The following MUC6 variants were observed in gnomAD, a reference collection of about 807,000 sequenced individuals.
MUC6 encodes the protein mucin-6.
MUC6 carries 188 observed loss-of-function variants against 201.5 expected under a neutral mutation model. The ratio of observed to expected loss-of-function variants is 0.93; its 90% CI spans 0.83 to 1.05. The LOEUF is 1.05. Among genes scored for constraint, MUC6 ranks in the 50% least tolerant of loss-of-function variants. The pLI is 0.00. For missense variants in MUC6, 2,706 were observed against 3,256.9 expected (o/e 0.83, Z 4.12); for synonymous variants, 1,228 against 1,389.4 (o/e 0.88, Z 2.58).
Position 1,015,955 on chromosome 11 carries a change from T to C in MUC6, c.6846A>G (p.Thr2282=), listed in dbSNP as rs1252962043. The C allele has an allele frequency of 1.3e-6, 2 of 1,592,722 alleles. No individual in the cohort carries two copies. Among genetic ancestry groups the C allele is most frequent in the African/African-American group, 1.3e-5 (1 of 74,542 alleles). ...CCGAGGTGAGTGACACAAAGCCTGA[T>C]GTGGGAACTCGGGTGGTGAGAGAAG... ...RSTSLTTRVP[T]SGFVSLTSGV... is the part of the protein sequence containing the mutation. Residue 2282 remains threonine, a synonymous_variant, in exon 31 of 33, where the codon ACA becomes ACG. Coordinates refer to ENST00000421673, the MANE Select transcript of MUC6 (RefSeq NM_005961.3).
chr11:1,015,644 G>A (rs1234225537), intron 31 of MUC6, 118 bp downstream of exon 31: 3 of 1,433,482 alleles, frequency 2.1e-6, no homozygotes, highest in Non-Finnish European at 2.7e-6. Context: ...GGAAGGCAGG[G>A]AACAGGCGTG....
intron 31 of MUC6, 134 bp downstream of exon 31, chr11:1,015,628 G>A (rs1856584932): frequency 7.2e-7 from 1 of 1,393,096 alleles, no homozygotes; most frequent in Non-Finnish European, 9.4e-7. Context: ...CCTGGCAGGT[G>A]TGTAGGGAAG....
chr11:1,031,405 C>T (rs1274744986), intron 4 of MUC6, 146 bp from the exon 5 acceptor site: 39 of 1,171,640 alleles, frequency 3.3e-5, no homozygotes, highest in Admixed American at 5.5e-5. Context: ...GCTAATTTTC[C>T]AGTGGAGAAG....
In MUC6 at chr11:1,031,910, G is replaced by T; in HGVS notation, c.259C>A (p.Arg87=). 6.2e-7 allele frequency: 1 copy of T among 1,613,294 alleles called. No homozygotes were observed. Among genetic ancestry groups the T allele is most frequent in the Non-Finnish European group, 8.5e-7 (1 of 1,179,888 alleles). The change falls in exon 3 of 33, where the codon CGG becomes AGG. Residue 87 remains arginine (R), a synonymous_variant. Transcript: ENST00000421673. ...GAGATGCTCCCGTCTGGGCCTCGCC[G>T]CAGCTGGACACTGAAGGTGGGGAAG... ...DAFPTFSVQL[R]RGPDGSISRI...
At chr11:1,032,274 A>G (rs1020481911) in intron 2 of MUC6, among the ~76,000 whole-genome samples, 1 of 152,022 alleles carries the variant, frequency 6.6e-6, no homozygotes, top group African/African-American at 2.4e-5. Context: ...GTGTGGGTAC[A>G]CGTATGTGTG....
Position 1,019,278 on chromosome 11 carries a change from G to A in MUC6, c.4027C>T (p.Leu1343=), listed in dbSNP as rs1288922158. Reference sequence around the variant, plus strand: ...ATCCCATGGCGCCATGACTTACGCAGCGTGGGGCTTGTCCCTGATGTGGCT... The same window carrying A: ...ATCCCATGGCGCCATGACTTACGCAACGTGGGGCTTGTCCCTGATGTGGCT... ...TPATSGTSPT[L]PKSTNQELPG... is the part of the protein sequence containing the mutation. Residue 1343 remains leucine (L), a synonymous_variant, in exon 30 of 33, where the codon CTG becomes TTG. Transcript: ENST00000421673. 6 of 1,613,994 alleles carry A rather than the reference G, an allele frequency of 3.7e-6. No individual in the cohort carries two copies. The East Asian group carries it at 6.7e-5, about 18-fold the overall frequency.
chr11:1,013,799 A>T, intron 32 of MUC6, 100 bp downstream of exon 32: 1 of 1,408,592 alleles, frequency 7.1e-7, no homozygotes, highest in East Asian at 2.5e-5. Context: ...GGCTCACCTG[A>T]TGGGGCAGCA....
intron 1 of MUC6, among the ~76,000 whole-genome samples, chr11:1,034,448 C>G (rs547493071): frequency 2.6e-5 from 4 of 152,220 alleles, no homozygotes; most frequent in Non-Finnish European, 4.4e-5. Context: ...CTCAGCCCCC[C>G]GCCATTCCTT....
At chr11:1,025,638 C>T (rs150862810) in intron 22 of MUC6, among the ~76,000 whole-genome samples, 167 bp downstream of exon 22, 93 of 152,282 alleles carry the variant, frequency 6.1e-4, no homozygotes, top group African/African-American at 2.1e-3. Context: ...CACCCGTGGT[C>T]CTGAGCGTCT....
Position 1,031,875 on chromosome 11 carries a change from G to A in MUC6, c.294C>T (p.Ile98=), listed in dbSNP as rs762180514. 7 of 1,612,776 alleles carry A rather than the reference G, an allele frequency of 4.3e-6. No individual in the cohort carries two copies. Among genetic ancestry groups the A allele is most frequent in the South Asian group, 2.2e-5 (2 of 91,052 alleles). Residue 98 remains isoleucine (I), a synonymous_variant, in exon 3 of 33, where the codon ATC becomes ATT. Coordinates refer to ENST00000421673, the MANE Select transcript of MUC6 (RefSeq NM_005961.3). The part of the protein sequence containing the change: ...RGPDGSISRI[I]VELGASVVTV... Reference sequence around the variant, plus strand: ...TGACGACGGAGGCCCCCAGCTCCACGATGATCCGCGAGATGCTCCCGTCTG... The same window carrying A: ...TGACGACGGAGGCCCCCAGCTCCACAATGATCCGCGAGATGCTCCCGTCTG...
rs1007713608 is a variant in MUC6 at position 1,018,582 on chromosome 11, G to T, written c.4219C>A (p.His1407Asn). ...GGACTCCCCGCCGTAGGCGGGGAGT[G>T]TGTGGTGTGTGGGGTTTGGGGCGTT... The part of the protein sequence containing the change: ...YTTPQTPHTT[H>N]SPPTAGSPVP... The change falls in exon 31 of 33, where the codon CAC becomes AAC. Residue 1407 changes from histidine (H) to asparagine (N), a missense_variant. Physicochemically the swap from His to Asn is moderately conservative, Grantham distance 68. Transcript: ENST00000421673. 33 of 1,613,554 alleles carry T rather than the reference G, an allele frequency of 2.0e-5. No individual in the cohort carries two copies. Among genetic ancestry groups the T allele is most frequent in the African/African-American group, 1.2e-4 (9 of 74,948 alleles).
rs1405160371 is a variant in MUC6 at position 1,018,911 on chromosome 11, C to G, written c.4031-141G>C. On this transcript the variant is annotated intron_variant, in intron 30 of 32. Coordinates refer to ENST00000421673, the MANE Select transcript of MUC6 (RefSeq NM_005961.3). Reference sequence around the variant, plus strand: ...TGTGACATGGCCCCTGCTGGGCACTCCAGCCTGCCCCATTGTCTCCATCTC... The same window carrying G: ...TGTGACATGGCCCCTGCTGGGCACTGCAGCCTGCCCCATTGTCTCCATCTC... The G allele has an allele frequency of 1.0e-5, 11 of 1,100,898 alleles. No homozygotes were observed. The East Asian group carries it at 1.7e-4, about 17-fold the overall frequency. The allele number at this position is 1,100,898 out of a possible 1,614,324, so 68.2% of individuals were successfully genotyped here.
Position 1,024,048 on chromosome 11 carries a change from C to G in MUC6, c.3281G>C (p.Ser1094Thr), listed in dbSNP as rs1464306864. The change falls in exon 25 of 33, where the codon AGT (serine) becomes ACT (threonine). Residue 1094 changes from serine (S) to threonine (T), a missense_variant. Physicochemically the swap from Ser to Thr is moderately conservative, Grantham distance 58. This residue lies in a region of MUC6 where 1,850 missense variants were observed against 1,958.3 expected (regional missense o/e 0.94). Coordinates refer to ENST00000421673, the MANE Select transcript of MUC6 (RefSeq NM_005961.3). ...GCACAGACACTCACAGTCCCCGCCA[C>G]TGTCACACCCACATGCGTCGCGCAC... ...ACVRDACGCD[S>T]GGDCECLCDA... The G allele has an allele frequency of 1.2e-6, 2 of 1,613,168 alleles. No individual in the cohort carries two copies. Among genetic ancestry groups the G allele is most frequent in the Non-Finnish European group, 1.7e-6 (2 of 1,179,794 alleles).
At chr11:1,021,585 G>T (rs1590044658) in intron 26 of MUC6, among the ~76,000 whole-genome samples, 1 of 152,044 alleles carries the variant, frequency 6.6e-6, no homozygotes, top group Non-Finnish European at 1.5e-5. Flanking sequence ...TGGCCAGGCT[G>T]GTCTCAAACT....
rs376687164 is a variant in MUC6, at chr11:1,023,597, C to T, written c.3438G>A (p.Gln1146=). The part of the protein sequence containing the change: ...THTQDGHGEY[Q]YTQEANCTWH... Reference sequence around the variant, plus strand: ...ACGTGCAGTTGGCCTCCTGTGTGTACTGGTACTCGCCATGGCCGTCCTGCG... The same window carrying T: ...ACGTGCAGTTGGCCTCCTGTGTGTATTGGTACTCGCCATGGCCGTCCTGCG... The change falls in exon 26 of 33, where the codon CAG becomes CAA. Residue 1146 remains glutamine (Q), a synonymous_variant. Transcript: ENST00000421673. 30 of 1,613,044 alleles carry T rather than the reference C, an allele frequency of 1.9e-5. No homozygotes were observed. Among genetic ancestry groups the T allele is most frequent in the Non-Finnish European group, 2.5e-5 (30 of 1,179,828 alleles).
chr11:1,026,239 C>T, intron 20 of MUC6, 88 bp downstream of exon 20: 6 of 1,534,120 alleles, frequency 3.9e-6, no homozygotes, highest in Non-Finnish European at 8.8e-7. Flanking sequence ...GACGCCCCCG[C>T]CTCTGGGACA....
intron 28 of MUC6, among the ~76,000 whole-genome samples, chr11:1,020,477 T>A (rs111823275): frequency 2.0e-5 from 3 of 152,090 alleles, no homozygotes; most frequent in African/African-American, 7.2e-5. Context: ...TGCTCATCCG[T>A]GGGTCCAGCC....
rs369364495 is a variant in MUC6 at position 1,030,583 on chromosome 11, G to C, written c.882C>G (p.Pro294=). The change falls in exon 7 of 33, where the codon CCC becomes CCG. Residue 294 remains proline, a synonymous_variant. Coordinates refer to ENST00000421673, the MANE Select transcript of MUC6 (RefSeq NM_005961.3). The part of the protein sequence containing the change: ...VGQPVRRWRS[P]GLCSVGQCPA... ...CTTCCCTGGACTCACAGCACAGGCC[G>C]GGGCTCCGCCAGCGGCGGACCGGCT... is the stretch of plus-strand genomic sequence containing the variant. 1,395 of 1,516,414 alleles carry C rather than the reference G, an allele frequency of 9.2e-4. 4 individuals carry two copies. Among genetic ancestry groups the C allele is most frequent in the Middle Eastern group, 3.0e-3 (14 of 4,634 alleles). 93.9% of individuals were successfully genotyped at this position (1,516,414 alleles called of 1,614,324 possible). A position where few individuals can be genotyped will look rare whatever the true frequency, so the allele number is the denominator to read the frequency against.
In MUC6 at chr11:1,029,327, C is replaced by T. The variant is rs200947416; in HGVS notation, c.1176G>A (p.Pro392=). The T allele has an allele frequency of 2.1e-5, 34 of 1,604,334 alleles. No individual in the cohort carries two copies. The highest frequency in any genetic ancestry group is 4.0e-5 in the African/African-American group (3 of 74,884). ...CTTCCAGGGAGCAGTGTCCGGGGCA[C>T]GGCCGCTCCGTGCACACCCAGCGGC... The part of the protein sequence containing the change: ...TLGRWVCTER[P]CPGHCSLEGG... The change falls in exon 10 of 33, where the codon CCG becomes CCA. Residue 392 remains proline (P), a synonymous_variant. Transcript: ENST00000421673.
Sources: gnomAD v4.1 joint callset for allele counts (sites outside exome capture counted in the v4.1 genomes callset) on GRCh38, gnomAD v4.1.1 for gene constraint, gnomAD v4.1.1 regional missense constraint, MANE v1.5 for transcripts, NCBI Gene and HGNC (gene_info 2026-07-23, HGNC 2026-07-21) for gene names.